CCDC7: variants seen among roughly 807,000 people sequenced by gnomAD.
CCDC7 encodes the protein coiled-coil domain containing 7.
A neutral mutation model predicts 196.9 loss-of-function variants in CCDC7; 183 were observed. The observed-to-expected ratio is 0.93, with a 90% CI of 0.82 to 1.05. CCDC7 has a LOEUF of 1.05. Among genes scored for constraint, CCDC7 ranks in the 50% least tolerant of loss-of-function variants. The pLI, the probability that CCDC7 is intolerant of heterozygous loss-of-function variation, is 0.00. For synonymous variants in CCDC7, 525 were observed against 484.6 expected (o/e 1.08, Z -1.10); for missense variants, 1,540 against 1,482.2 (o/e 1.04, Z -0.64).
At chr10:32,623,398 A>C (rs1472426285) in intron 18 of CCDC7, among the ~76,000 whole-genome samples, 1 of 152,062 alleles carries the variant, frequency 6.6e-6, no homozygotes, top group Non-Finnish European at 1.5e-5. Flanking sequence ...TTATTAAAAC[A>C]TATTTTCTAT....
intron 11 of CCDC7, among the ~76,000 whole-genome samples, chr10:32,532,882 G>A (rs140275860): frequency 4.6e-5 from 7 of 152,002 alleles, no homozygotes; most frequent in Admixed American, 1.3e-4. Context: ...TGGGAGCAGC[G>A]TATCATTGAG....
At chr10:32,798,974 C>T (rs1267157433) in intron 29 of CCDC7, among the ~76,000 whole-genome samples, 2 of 152,148 alleles carry the variant, frequency 1.3e-5, no homozygotes, top group East Asian at 3.8e-4. Flanking sequence ...GGAGTGGGGA[C>T]CATGGGCATT....
At chr10:32,645,595 G>A (rs1354327805) in intron 20 of CCDC7, among the ~76,000 whole-genome samples, 1 of 142,186 alleles carries the variant, frequency 7.0e-6, no homozygotes, top group Non-Finnish European at 1.5e-5. Flanking sequence ...TTTTGGGATA[G>A]TTTGAATAGA....
rs143568565 is a variant in CCDC7, at chr10:32,645,743, A to G, written c.2014+10585A>G. On this transcript the variant is annotated intron_variant, in intron 20 of 41. Coordinates refer to ENST00000639629, the Ensembl canonical transcript of CCDC7. ...CATTATTGGTGTGTTGAGATTTTCT[A>G]TTTCTTCATGATGCAATCTTGGTAA... Among the ~76,000 whole-genome samples the G allele has an allele frequency of 7.9e-5, 12 of 151,668 alleles. No individual in the cohort carries two copies. In the East Asian group the frequency reaches 1.6e-3, roughly 20 times the overall value.
intron 13 of CCDC7, among the ~76,000 whole-genome samples, chr10:32,564,837 T>C (rs1174518887): frequency 6.6e-6 from 1 of 151,292 alleles, no homozygotes; most frequent in Non-Finnish European, 1.5e-5. Flanking sequence ...TGGCTGGGTG[T>C]GTGGTGGCTC....
intron 3 of CCDC7, among the ~76,000 whole-genome samples, chr10:32,459,970 A>G (rs574187294): frequency 2.6e-5 from 4 of 152,300 alleles, no homozygotes; most frequent in African/African-American, 9.6e-5. Context: ...AGCCAGCAGT[A>G]TAATAAATGG....
chr10:32,858,713 C>T (rs753536046), intron 41 of CCDC7, among the ~76,000 whole-genome samples: 5 of 151,590 alleles, frequency 3.3e-5, no homozygotes, highest in Non-Finnish European at 7.4e-5. Flanking sequence ...AAATCTACAG[C>T]TGATGGAGGA....
At chr10:32,856,449 G>A (rs1362291318) in intron 41 of CCDC7, among the ~76,000 whole-genome samples, 3 of 152,092 alleles carry the variant, frequency 2.0e-5, no homozygotes. Context: ...CTGCCCTCTG[G>A]ACTGAACACG....
chr10:32,815,073 C>A (rs7069132), intron 31 of CCDC7, among the ~76,000 whole-genome samples: 22,145 of 152,046 alleles, frequency 0.15, 1,814 homozygotes, highest in East Asian at 0.25. Context: ...CCAACAACAA[C>A]AACAAGCAGC....
intron 20 of CCDC7, among the ~76,000 whole-genome samples, chr10:32,635,501 T>G (rs1377417592): frequency 6.6e-6 from 1 of 152,174 alleles, no homozygotes; most frequent in Non-Finnish European, 1.5e-5. Context: ...TTTGTTTGTT[T>G]GCCTTAAAAA....
At position 32,845,405 on chromosome 10, in the gene CCDC7, T is replaced by C. The variant is rs1593380062; in HGVS notation, c.3436+79T>C. 3 of 1,228,080 alleles carry C rather than the reference T, an allele frequency of 2.4e-6. No individual in the cohort carries two copies. The East Asian group carries it at 7.5e-5, about 31-fold the overall frequency. 76.1% of individuals were successfully genotyped at this position (1,228,080 alleles called of 1,614,324 possible). A position where few individuals can be genotyped will look rare whatever the true frequency, so the allele number is the denominator to read the frequency against. On this transcript the variant is annotated intron_variant, in intron 34 of 41. Transcript: ENST00000639629. ...AGTTAAATTAAGTATAGACCTTTAA[T>C]AACAAAACTACCTATATTATAGTGT...
At position 32,584,214 on chromosome 10, in the gene CCDC7, A is replaced by G. The variant is rs754601755; in HGVS notation, c.1729-18A>G. On this transcript the variant is annotated intron_variant, in intron 17 of 41. Coordinates refer to ENST00000639629, the Ensembl canonical transcript of CCDC7. ...TGTATATAATTTCTAATTACTTATT[A>G]CAACTTTTGTTATTAAGGCTGATGT... The G allele has an allele frequency of 2.7e-6, 4 of 1,473,854 alleles. No homozygotes were observed. The highest frequency in any genetic ancestry group is 3.7e-6 in the Non-Finnish European group (4 of 1,082,744). 91.3% of individuals were successfully genotyped at this position (1,473,854 alleles called of 1,614,324 possible). A position where few individuals can be genotyped will look rare whatever the true frequency, so the allele number is the denominator to read the frequency against.
chr10:32,573,834 T>A (rs2057875646), intron 16 of CCDC7, among the ~76,000 whole-genome samples: 1 of 152,234 alleles, frequency 6.6e-6, no homozygotes, highest in Non-Finnish European at 1.5e-5. Context: ...TGAGCATCTA[T>A]GCTGTGCAAG....
chr10:32,592,313 C>G (rs1040103316), intron 18 of CCDC7, among the ~76,000 whole-genome samples: 2 of 151,626 alleles, frequency 1.3e-5, no homozygotes, highest in Non-Finnish European at 2.9e-5. Flanking sequence ...TGGATTTTAC[C>G]TATTGTTTTT....
At chr10:32,765,478 A>G (rs2078137935) in intron 28 of CCDC7, among the ~76,000 whole-genome samples, 1 of 151,974 alleles carries the variant, frequency 6.6e-6, no homozygotes, top group African/African-American at 2.4e-5. Context: ...TAATAAATAT[A>G]CTCATCAACT....
chr10:32,818,137 A>G lies in CCDC7; in HGVS notation c.3181+3684A>G, dbSNP rs1294000270. ...ACATAGGCTCAAAATAAAGGGATGG[A>G]GGAAGATCTACCAAGCAAATGGAAA... On this transcript the variant is annotated intron_variant, in intron 31 of 41. Coordinates refer to ENST00000639629, the Ensembl canonical transcript of CCDC7. 3.3e-5 allele frequency among the ~76,000 whole-genome samples: 5 copies of G among 152,336 alleles called. No individual in the cohort carries two copies. The South Asian group carries it at 1.0e-3, about 32-fold the overall frequency.
chr10:32,601,139 C>A (rs1295751543), intron 18 of CCDC7, among the ~76,000 whole-genome samples: 1 of 152,178 alleles, frequency 6.6e-6, no homozygotes, highest in African/African-American at 2.4e-5. Flanking sequence ...GTAGCATGAT[C>A]TCCGCTCACT....
intron 32 of CCDC7, among the ~76,000 whole-genome samples, chr10:32,826,629 A>T (rs756707499): frequency 3.9e-5 from 6 of 152,170 alleles, no homozygotes; most frequent in Non-Finnish European, 8.8e-5. Flanking sequence ...TTCTCTCCCC[A>T]AGCCTGCACC....
chr10:32,794,653 G>C (rs1334613797), intron 29 of CCDC7, among the ~76,000 whole-genome samples: 3 of 151,982 alleles, frequency 2.0e-5, no homozygotes, highest in African/African-American at 7.3e-5. Flanking sequence ...TCATGGCTTT[G>C]ATTTGTATCT....
Sources: gnomAD v4.1 joint callset for allele counts (sites outside exome capture counted in the v4.1 genomes callset) on GRCh38, gnomAD v4.1.1 for gene constraint, MANE v1.5 for transcripts, NCBI Gene and HGNC (gene_info 2026-07-23, HGNC 2026-07-21) for gene names.